Variants in RNLS observed in about 807,000 individuals in gnomAD.
RNLS encodes the protein renalase.
In RNLS, 39 loss-of-function variants were observed where a neutral mutation model predicts 39.8. That is an observed-to-expected ratio of 0.98 (90% CI 0.76 to 1.28). The LOEUF is 1.28. Ranked by LOEUF, RNLS falls within the 50% of genes most tolerant of loss-of-function variation. The probability of loss-of-function intolerance (pLI) is 0.00; values close to 1 mark genes in which losing one functional copy is unlikely to be tolerated. For synonymous variants in RNLS, 147 were observed against 150.7 expected, an observed-to-expected ratio of 0.98 and a Z score of 0.18; for missense variants, 410 against 413.3, an observed-to-expected ratio of 0.99 and a Z score of 0.07.
At position 88,469,800 on chromosome 10, in the gene RNLS, G is replaced by A. The variant is rs1018528105; in HGVS notation, c.526+103103C>T. Among the ~76,000 whole-genome samples the A allele has an allele frequency of 2.1e-4, 31 of 146,328 alleles. 1 individual carries two copies. Among genetic ancestry groups the A allele is most frequent in the African/African-American group, 6.6e-4 (26 of 39,650 alleles). ...CAAGGAAATAATGGATCCATCTATGGGTCAATATTTTTATGTGTGTGCGTG... is the reference window on the plus strand; with the variant it reads ...CAAGGAAATAATGGATCCATCTATGAGTCAATATTTTTATGTGTGTGCGTG... On this transcript the variant is annotated intron_variant, in intron 4 of 6. Coordinates refer to ENST00000331772, the MANE Select transcript of RNLS (RefSeq NM_001031709.3).
At chr10:88,307,039 T>C (rs1844970870) in intron 6 of RNLS, among the ~76,000 whole-genome samples, 1 of 152,216 alleles carries the variant, frequency 6.6e-6, no homozygotes, top group South Asian at 2.1e-4. Context: ...ATAAATATGA[T>C]TCATCATGTG....
chr10:88,310,433 AT>A (rs919685990), intron 6 of RNLS, among the ~76,000 whole-genome samples: 17 of 151,782 alleles, frequency 1.1e-4, no homozygotes, highest in East Asian at 3.8e-4. Context: ...GTGTACATGT[AT>A]TTTTTTTAAT....
At chr10:88,181,320 G>A in the RNLS span, among the ~76,000 whole-genome samples, 1 of 152,096 alleles carries the variant, frequency 6.6e-6, no homozygotes, top group Non-Finnish European at 1.5e-5. Flanking sequence ...GGAAACAGGG[G>A]CCTATTCTTC....
chr10:88,238,105 T>C, the RNLS span, among the ~76,000 whole-genome samples: 1 of 152,258 alleles, frequency 6.6e-6, no homozygotes, highest in Non-Finnish European at 1.5e-5. Flanking sequence ...ATTTCTCATA[T>C]TTATCAGCCA....
intron 4 of RNLS, among the ~76,000 whole-genome samples, chr10:88,554,786 C>T (rs1848770707): frequency 6.6e-6 from 1 of 152,090 alleles, no homozygotes; most frequent in South Asian, 2.1e-4. Context: ...CAATCTTGCT[C>T]CTACATAATC....
rs1042094311 is a variant in RNLS at position 88,583,278 on chromosome 10, G to T, written c.-88C>A. On this transcript the variant is annotated 5_prime_UTR_variant, in exon 1 of 7. Transcript: ENST00000331772. ...TGGAAAGGCGGCCGAACCGGCGCTA[G>T]CGCTCTTTGGTTCCGTGCTCCCTGG... The T allele has an allele frequency of 1.3e-6, 2 of 1,563,380 alleles. No individual in the cohort carries two copies. The highest frequency in any genetic ancestry group is 1.7e-6 in the Non-Finnish European group (2 of 1,161,628).
intron 4 of RNLS, among the ~76,000 whole-genome samples, chr10:88,453,012 A>G (rs985458995): frequency 3.3e-5 from 5 of 152,180 alleles, no homozygotes; most frequent in African/African-American, 1.2e-4. Flanking sequence ...GGTGAGGGGA[A>G]TTCTGAATGG....
chr10:88,327,218 T>C (rs1846686993), intron 5 of RNLS, among the ~76,000 whole-genome samples: 1 of 152,084 alleles, frequency 6.6e-6, no homozygotes, highest in South Asian at 2.1e-4. Context: ...TGTTTTGAAA[T>C]GTGAGGACAT....
chr10:88,211,359 A>G, the RNLS span, among the ~76,000 whole-genome samples: 2 of 152,206 alleles, frequency 1.3e-5, no homozygotes, highest in African/African-American at 2.4e-5. Context: ...CTTAGAGTAC[A>G]GTGTGATGGA....
intron 3 of RNLS, among the ~76,000 whole-genome samples, chr10:88,579,885 ATTGCCC>A (rs1300977025): frequency 6.6e-6 from 1 of 152,184 alleles, no homozygotes; most frequent in Non-Finnish European, 1.5e-5. Flanking sequence ...AGTAATGCAG[ATTGCCC>A]TCCCTAATGT....
At chr10:88,280,055 C>T (rs1267735677), downstream of RNLS, among the ~76,000 whole-genome samples, 1 of 152,114 alleles carries the variant, frequency 6.6e-6, no homozygotes, top group Non-Finnish European at 1.5e-5. Context: ...AGGAAATTGG[C>T]CTTCACAGAG....
chr10:88,340,037 G>T (rs139978444), intron 5 of RNLS, among the ~76,000 whole-genome samples: 5 of 152,334 alleles, frequency 3.3e-5, no homozygotes, highest in African/African-American at 4.8e-5. Context: ...CTTAGGACTT[G>T]AGACTTCTTT....
At chr10:88,448,333 G>A (rs1271755816) in intron 4 of RNLS, among the ~76,000 whole-genome samples, 1 of 152,062 alleles carries the variant, frequency 6.6e-6, no homozygotes, top group African/African-American at 2.4e-5. Context: ...TCAAAAAGTG[G>A]GCAAAAGATA....
intron 4 of RNLS, among the ~76,000 whole-genome samples, chr10:88,414,520 G>GATGCCC (rs1223784870): frequency 6.6e-6 from 1 of 152,150 alleles, no homozygotes; most frequent in Non-Finnish European, 1.5e-5. Context: ...CTTGGACTAT[G>GATGCCC]ATGCCCTCTT....
chr10:88,242,565 C>A, the RNLS span, among the ~76,000 whole-genome samples: 616 of 152,196 alleles, frequency 4.0e-3, 5 homozygotes, highest in Middle Eastern at 0.014. Flanking sequence ...TAGTTTGTCT[C>A]ATCTAGGAAC....
chr10:88,289,114 T>C lies in RNLS; in HGVS notation c.877-3608A>G, dbSNP rs561469291. On this transcript the variant is annotated intron_variant, in intron 6 of 6. Transcript: ENST00000331772. The stretch of plus-strand genomic sequence containing the variant: ...TCTAGAGTAGCAAATGCAATGTTTC[T>C]ATAAACTTAGGCGATAACTGGACTG... 3.9e-5 allele frequency among the ~76,000 whole-genome samples: 6 copies of C among 152,310 alleles called. No homozygotes were observed. The South Asian group carries it at 1.2e-3, about 32-fold the overall frequency.
chr10:88,551,349 C>G (rs181548261), intron 4 of RNLS, among the ~76,000 whole-genome samples: 2 of 152,204 alleles, frequency 1.3e-5, no homozygotes, highest in Admixed American at 6.5e-5. Flanking sequence ...CACTGCTTCC[C>G]CCTTTAAAAA....
intron 4 of RNLS, among the ~76,000 whole-genome samples, chr10:88,500,857 G>C (rs1029031314): frequency 6.6e-6 from 1 of 152,020 alleles, no homozygotes; most frequent in African/African-American, 2.4e-5. Context: ...TGCAATAATT[G>C]TGTAACTTGG....
chr10:88,355,539 C>G (rs546635092), intron 5 of RNLS, among the ~76,000 whole-genome samples: 1 of 152,308 alleles, frequency 6.6e-6, no homozygotes, highest in South Asian at 2.1e-4. Flanking sequence ...TATTGCTGAA[C>G]AGCAAATGTT....
Sources: gnomAD v4.1 joint callset for allele counts (sites outside exome capture counted in the v4.1 genomes callset) on GRCh38, gnomAD v4.1.1 for gene constraint, MANE v1.5 for transcripts, NCBI Gene and HGNC (gene_info 2026-07-23, HGNC 2026-07-21) for gene names.